DMGDH: variants seen among roughly 807,000 people sequenced by gnomAD.
DMGDH encodes the protein dimethylglycine dehydrogenase.
DMGDH carries 76 observed loss-of-function variants against 95.2 expected under a neutral mutation model. The observed-to-expected ratio is 0.80, with a 90% CI of 0.66 to 0.97. The LOEUF is 0.97. DMGDH is among the 50% of genes least tolerant of loss of function. The pLI, the probability that DMGDH is intolerant of heterozygous loss-of-function variation, is 0.00. For missense variants in DMGDH, 987 were observed against 1,055.0 expected (o/e 0.94, Z 0.89); for synonymous variants, 345 against 377.6 (o/e 0.91, Z 1.00).
chr5:79,037,321 T>A (rs1304367749), intron 7 of DMGDH, among the ~76,000 whole-genome samples: 1 of 152,210 alleles, frequency 6.6e-6, no homozygotes, highest in East Asian at 1.9e-4. Flanking sequence ...GTCAAGACTC[T>A]GCTTTTTAAC....
chr5:79,044,609 CT>C, intron 5 of DMGDH, 57 bp from the exon 6 acceptor site: 1 of 1,582,516 alleles, frequency 6.3e-7, no homozygotes, highest in Non-Finnish European at 8.6e-7. Flanking sequence ...ATAACTGACA[CT>C]CATATAGCAA....
intron 15 of DMGDH, among the ~76,000 whole-genome samples, chr5:79,002,506 G>T (rs555221100): frequency 1.3e-5 from 2 of 152,102 alleles, no homozygotes; most frequent in African/African-American, 4.8e-5. Flanking sequence ...TATTTATTTT[G>T]TCCATTGTCT....
rs762287789 is a variant in DMGDH at position 79,032,819 on chromosome 5, C to A, written c.1385G>T (p.Arg462Leu). The part of the protein sequence containing the change: ...NNIVGYPKEE[R>L]FAGRPTQRVS... ...TCGTTGAGTCGGCCTCCCAGCAAAC[C>A]GTTCTTCTTTAGGATAACCAACTGA... is the stretch of plus-strand genomic sequence containing the variant. Residue 462 changes from arginine to leucine, a missense_variant, in exon 9 of 16, where the codon CGG becomes CTG. Transcript: ENST00000255189. The A allele has an allele frequency of 6.2e-7, 1 of 1,614,044 alleles. No homozygotes were observed. Among genetic ancestry groups the A allele is most frequent in the African/African-American group, 1.3e-5 (1 of 74,928 alleles).
At chr5:79,068,022 A>T (rs1755429482) in intron 1 of DMGDH, among the ~76,000 whole-genome samples, 1 of 152,060 alleles carries the variant, frequency 6.6e-6, no homozygotes, top group Non-Finnish European at 1.5e-5. Context: ...GGTTCAAGCG[A>T]TTCTCCCGCC....
chr5:79,026,596 C>T lies in DMGDH; in HGVS notation c.2033-15G>A, dbSNP rs1307499602. ...ACCCAGCTCACCTGAAATAAACCCA[C>T]AGGTGCCACAGCAGGGCAAGAACAA... On this transcript the variant is annotated splice_polypyrimidine_tract_variant and intron_variant, in intron 12 of 15. Transcript: ENST00000255189. 2 of 1,613,954 alleles carry T rather than the reference C, an allele frequency of 1.2e-6. No individual in the cohort carries two copies. Among genetic ancestry groups the T allele is most frequent in the African/African-American group, 1.3e-5 (1 of 74,928 alleles).
intron 12 of DMGDH, among the ~76,000 whole-genome samples, chr5:79,026,965 G>T (rs576545179): frequency 1.0e-3 from 159 of 152,210 alleles, no homozygotes; most frequent in African/African-American, 3.7e-3. Flanking sequence ...ACGAGTTCAA[G>T]GTTTAAACCA....
rs774041724 is a variant in DMGDH at position 79,063,705 on chromosome 5, C to T, written c.184G>A (p.Val62Met). The T allele has an allele frequency of 1.9e-6, 3 of 1,614,236 alleles. No individual in the cohort carries two copies. The highest frequency in any genetic ancestry group is 2.2e-5 in the South Asian group (2 of 91,084). Residue 62 changes from valine to methionine, a missense_variant, in exon 2 of 16, where the codon GTG (valine) becomes ATG (methionine). By Grantham distance (21) the Val-to-Met change is conservative. Transcript: ENST00000255189. ...TVIIGGGCVGVSLAYHLAKAG... is the reference protein window; with the variant it reads ...TVIIGGGCVGMSLAYHLAKAG... ...TTGGCCAGGTGATAAGCCAGACTCACACCAACACAGCCACCTCCAATTATC... is the reference window on the plus strand; with the variant it reads ...TTGGCCAGGTGATAAGCCAGACTCATACCAACACAGCCACCTCCAATTATC...
chr5:79,035,993 A>G (rs960586250), intron 7 of DMGDH, among the ~76,000 whole-genome samples: 1 of 152,228 alleles, frequency 6.6e-6, no homozygotes, highest in African/African-American at 2.4e-5. Context: ...CTTAGCAGCT[A>G]AAAGTATAAA....
At chr5:79,026,314 T>C (rs899330993) in intron 13 of DMGDH, 110 bp downstream of exon 13, 21 of 1,358,506 alleles carry the variant, frequency 1.5e-5, no homozygotes, top group Non-Finnish European at 2.0e-5. Flanking sequence ...TCTAATGATA[T>C]GTAATTTCTC....
chr5:79,027,724 C>A lies in DMGDH; in HGVS notation c.2032+709G>T, dbSNP rs140491956. ...TGTTGGCAATGCTCTAGGAGAGGTA[C>A]CTGATACCTTCAAAATGGTCTCTAT... On this transcript the variant is annotated intron_variant, in intron 12 of 15. Coordinates refer to ENST00000255189, the MANE Select transcript of DMGDH (RefSeq NM_013391.3). Among the ~76,000 whole-genome samples the A allele has an allele frequency of 6.0e-3, 916 of 152,230 alleles. 9 individuals carry two copies. Among genetic ancestry groups the A allele is most frequent in the East Asian group, 0.021 (111 of 5,184 alleles).
intron 15 of DMGDH, chr5:79,000,515 C>G (rs560339705): frequency 1.2e-5 from 7 of 598,190 alleles, no homozygotes; most frequent in South Asian, 1.0e-4. Context: ...ATGCCATGAT[C>G]AATCAGAGAT....
At chr5:79,023,749 C>T (rs1461220734) in intron 14 of DMGDH, among the ~76,000 whole-genome samples, 2 of 152,114 alleles carry the variant, frequency 1.3e-5, no homozygotes, top group Non-Finnish European at 2.9e-5. Context: ...CATTTTATGC[C>T]GAAAACGTTT....
At chr5:79,061,246 C>CACACAA (rs1755202007) in intron 2 of DMGDH, among the ~76,000 whole-genome samples, 1 of 143,062 alleles carries the variant, frequency 7.0e-6, no homozygotes, top group Admixed American at 6.7e-5. Context: ...CACACACACA[C>CACACAA]ACACACACAC....
intron 5 of DMGDH, among the ~76,000 whole-genome samples, chr5:79,049,091 C>T (rs994447664): frequency 2.6e-5 from 4 of 152,122 alleles, no homozygotes; most frequent in African/African-American, 7.2e-5. Flanking sequence ...CAGGCTCGTA[C>T]GAGACAAGCT....
intron 13 of DMGDH, 33 bp from the exon 14 acceptor site, chr5:79,024,363 T>C: frequency 6.3e-7 from 1 of 1,577,868 alleles, no homozygotes; most frequent in South Asian, 1.1e-5. Context: ...AAATCTTAGA[T>C]GAGTGCAAGT....
intron 14 of DMGDH, among the ~76,000 whole-genome samples, chr5:79,018,119 C>G (rs1219484503): frequency 6.6e-6 from 1 of 152,208 alleles, no homozygotes; most frequent in African/African-American, 2.4e-5. Context: ...ACAAACATGA[C>G]TCACTGCAGC....
At chr5:79,064,536 T>C (rs1755313999) in intron 1 of DMGDH, among the ~76,000 whole-genome samples, 1 of 152,186 alleles carries the variant, frequency 6.6e-6, no homozygotes. Flanking sequence ...TAGGCTACTC[T>C]AAGTTTATTT....
intron 1 of DMGDH, among the ~76,000 whole-genome samples, chr5:79,067,595 T>C (rs1045066046): frequency 1.3e-5 from 2 of 152,172 alleles, no homozygotes; most frequent in Admixed American, 6.5e-5. Context: ...AAGGTTCTGT[T>C]TGGCAACATA....
At chr5:79,015,830 C>T (rs1356775703) in intron 14 of DMGDH, among the ~76,000 whole-genome samples, 1 of 152,048 alleles carries the variant, frequency 6.6e-6, no homozygotes. Flanking sequence ...AAACGAAAGG[C>T]TGGCATAATG....
Sources: gnomAD v4.1 joint callset for allele counts (sites outside exome capture counted in the v4.1 genomes callset) on GRCh38, gnomAD v4.1.1 for gene constraint, MANE v1.5 for transcripts, NCBI Gene and HGNC (gene_info 2026-07-23, HGNC 2026-07-21) for gene names.